The following ATP13A4 variants were observed in gnomAD, a reference collection of about 807,000 sequenced individuals.
The protein encoded by ATP13A4 is ATPase 13A4.
ATP13A4 carries 114 observed loss-of-function variants against 142.5 expected under a neutral mutation model. The observed-to-expected ratio is 0.80, with a 90% CI of 0.69 to 0.93. The LOEUF (loss-of-function observed/expected upper bound fraction) is 0.93, where lower values mean the gene tolerates loss of function less well. ATP13A4 is among the 40% of genes least tolerant of loss of function. The probability of loss-of-function intolerance (pLI) is 0.00; values close to 1 mark genes in which losing one functional copy is unlikely to be tolerated. For missense variants in ATP13A4, 1,392 were observed against 1,454.0 expected (o/e 0.96, Z 0.69); for synonymous variants, 488 against 514.8 (o/e 0.95, Z 0.70).
chr3:193,482,440 T>A (rs1375769908), intron 8 of ATP13A4, among the ~76,000 whole-genome samples: 2 of 152,136 alleles, frequency 1.3e-5, no homozygotes, highest in Non-Finnish European at 2.9e-5. Context: ...AATAAAAATG[T>A]CTGCTCTTTG....
At chr3:193,517,541 C>T (rs1327470711) in intron 1 of ATP13A4, among the ~76,000 whole-genome samples, 1 of 152,168 alleles carries the variant, frequency 6.6e-6, no homozygotes, top group Non-Finnish European at 1.5e-5. Flanking sequence ...AGTACAGTGG[C>T]GCGATCTCGG....
chr3:193,434,391 C>G (rs1288441719), intron 24 of ATP13A4, among the ~76,000 whole-genome samples: 1 of 152,120 alleles, frequency 6.6e-6, no homozygotes, highest in African/African-American at 2.4e-5. Flanking sequence ...TTAGAAAATC[C>G]TAGCAAAACA....
At chr3:193,554,511 A>G in intron 1 of ATP13A4, 1 of 602,674 alleles carries the variant, frequency 1.7e-6, no homozygotes, top group Admixed American at 2.8e-5. Context: ...ATTCTTGACA[A>G]GATGAATACA....
intron 22 of ATP13A4, 132 bp from the exon 23 acceptor site, chr3:193,438,716 C>T: frequency 1.3e-6 from 1 of 792,390 alleles, no homozygotes; most frequent in Admixed American, 2.1e-5. Context: ...AGACTTAACC[C>T]TGCCTGGAAC....
At position 193,412,333 on chromosome 3, in the gene ATP13A4, G is replaced by A; in HGVS notation, c.3053C>T (p.Thr1018Ile). 6.2e-7 allele frequency: 1 copy of A among 1,614,108 alleles called. No individual in the cohort carries two copies. Among genetic ancestry groups the A allele is most frequent in the South Asian group, 1.1e-5 (1 of 91,072 alleles). ...TTTTTCTGGAGCAGTTGGAGACATG[G>A]TTAACTCTGAGATGCTTTCATTTTG... ...TVQNESISEL[T>I]MSPTAPEKME... The change falls in exon 27 of 30, where the codon ACC (threonine) becomes ATC (isoleucine). Residue 1018 changes from threonine to isoleucine, a missense_variant. Physicochemically the swap from Thr to Ile is moderately conservative, Grantham distance 89. Coordinates refer to ENST00000342695, the MANE Select transcript of ATP13A4 (RefSeq NM_032279.4).
chr3:193,420,253 C>A (rs992683250), intron 25 of ATP13A4, among the ~76,000 whole-genome samples: 1 of 149,376 alleles, frequency 6.7e-6, no homozygotes, highest in African/African-American at 2.5e-5. Context: ...GCCACTGAGG[C>A]ACTCAGTCAT....
intron 3 of ATP13A4, among the ~76,000 whole-genome samples, chr3:193,502,011 C>T (rs1438688050): frequency 6.6e-6 from 1 of 152,100 alleles, no homozygotes; most frequent in Admixed American, 6.6e-5. Flanking sequence ...CCTGCAATCC[C>T]AGCTACTAGG....
At chr3:193,473,350 A>AAT (rs1718729061) in intron 8 of ATP13A4, among the ~76,000 whole-genome samples, 1 of 152,242 alleles carries the variant, frequency 6.6e-6, no homozygotes, top group Non-Finnish European at 1.5e-5. Flanking sequence ...TGAATAAATA[A>AAT]ATAAGGAGAA....
In ATP13A4 at chr3:193,458,863, A is replaced by G. The variant is rs1050858423; in HGVS notation, c.1674+218T>C. ...ATAGTGCCAAGGATTTTCTTACTGC[A>G]TCATCTCATTTAATCCTCACAATCT... On this transcript the variant is annotated intron_variant, in intron 14 of 29. Transcript: ENST00000342695. 6.2e-6 allele frequency: 4 copies of G among 644,730 alleles called. No individual in the cohort carries two copies. In the Admixed American group the frequency reaches 7.7e-5, roughly 12 times the overall value. The allele number at this position is 644,730 out of a possible 1,614,324, so 39.9% of individuals were successfully genotyped here.
At chr3:193,574,948 C>T (rs1724361912) in intron 2 of ATP13A4, among the ~76,000 whole-genome samples, 1 of 152,176 alleles carries the variant, frequency 6.6e-6, no homozygotes, top group Admixed American at 6.5e-5. Flanking sequence ...TGTGACTACT[C>T]TGACCAGTAG....
At chr3:193,557,576 G>GT (rs2108734733), upstream of ATP13A4, among the ~76,000 whole-genome samples, 1 of 152,302 alleles carries the variant, frequency 6.6e-6, no homozygotes, top group Non-Finnish European at 1.5e-5. Context: ...GACAGACAAG[G>GT]AAACACAGGT....
intron 26 of ATP13A4, among the ~76,000 whole-genome samples, chr3:193,412,845 AAC>A (rs1376087986): frequency 6.6e-6 from 1 of 152,156 alleles, no homozygotes; most frequent in Non-Finnish European, 1.5e-5. Flanking sequence ...CACATGGTGA[AAC>A]ACCATCTCTA....
Position 193,489,865 on chromosome 3 carries a change from C to T in ATP13A4, c.604-1G>A. On this transcript the variant is annotated splice_acceptor_variant, in intron 6 of 29. Transcript: ENST00000342695. LOFTEE classifies it high-confidence loss of function. ...GAAATATATAAAATGGATTTAGAAC[C>T]TGTTGGCAGACATAAAAACAGGAAG... 6.2e-7 allele frequency: 1 copy of T among 1,612,524 alleles called. No individual in the cohort carries two copies. Among genetic ancestry groups the T allele is most frequent in the Non-Finnish European group, 8.5e-7 (1 of 1,178,992 alleles).
intron 14 of ATP13A4, chr3:193,458,775 A>G (rs1717781406): frequency 3.4e-6 from 2 of 583,368 alleles, no homozygotes; most frequent in African/African-American, 3.7e-5. Context: ...CAGAGAGACA[A>G]GAAATAACTG....
At chr3:193,469,735 A>C (rs1013583001) in intron 9 of ATP13A4, among the ~76,000 whole-genome samples, 14 of 152,334 alleles carry the variant, frequency 9.2e-5, no homozygotes, top group Middle Eastern at 6.8e-3. Flanking sequence ...TGAAGTGCTA[A>C]TACAAGGTAA....
chr3:193,499,535 GT>G (rs1371374035), intron 3 of ATP13A4, among the ~76,000 whole-genome samples: 66 of 152,142 alleles, frequency 4.3e-4, no homozygotes, highest in African/African-American at 1.6e-3. Context: ...TGCGCCTGAA[GT>G]TCATTTTGCT....
rs528787870 is a variant in ATP13A4, at chr3:193,417,726, C to G, written c.2843-2976G>C. 2.2e-5 allele frequency among the ~76,000 whole-genome samples: 3 copies of G among 137,184 alleles called. 1 individual carries two copies. The East Asian group carries it at 8.6e-4, about 39-fold the overall frequency. 90.0% of individuals were successfully genotyped at this position (137,184 alleles called of 152,430 possible). A position where few individuals can be genotyped will look rare whatever the true frequency, so the allele number is the denominator to read the frequency against. On this transcript the variant is annotated intron_variant, in intron 25 of 29. Transcript: ENST00000342695. ...ATTGGCCAGGCGCGGTGGCTCATGC[C>G]TGTAATCCCAGCACTTCGGGAGGCC...
chr3:193,526,221 G>A (rs562732819), intron 1 of ATP13A4, among the ~76,000 whole-genome samples: 5 of 152,136 alleles, frequency 3.3e-5, no homozygotes, highest in Non-Finnish European at 5.9e-5. Context: ...ATGATAGAGT[G>A]GATAAAGAAA....
intron 25 of ATP13A4, among the ~76,000 whole-genome samples, chr3:193,430,879 TACTATTGTGTAA>T (rs559622666): frequency 1.8e-4 from 28 of 152,204 alleles, no homozygotes; most frequent in Middle Eastern, 3.4e-3. Flanking sequence ...ACAATACTCT[TACTATTGTGTAA>T]ATGGGAATGA....
Sources: gnomAD v4.1 joint callset for allele counts (sites outside exome capture counted in the v4.1 genomes callset) on GRCh38, gnomAD v4.1.1 for gene constraint, MANE v1.5 for transcripts, NCBI Gene and HGNC (gene_info 2026-07-23, HGNC 2026-07-21) for gene names.